WSB1: variants seen among roughly 807,000 people sequenced by gnomAD.
WSB1 encodes the protein WD repeat and SOCS box containing 1, also known as WD repeat and SOCS box-containing protein 1.
Under a neutral mutation model 50.2 loss-of-function variants are expected in WSB1, and 23 were observed. The ratio of observed to expected loss-of-function variants is 0.46; its 90% confidence interval spans 0.33 to 0.65. The LOEUF (loss-of-function observed/expected upper bound fraction) is 0.65. Ranked by LOEUF, WSB1 falls within the 30% of genes least tolerant of loss-of-function variation. The probability of loss-of-function intolerance (pLI) is 0.02; values close to 1 mark genes in which losing one functional copy is unlikely to be tolerated. For synonymous variants in WSB1, 179 were observed against 172.0 expected (o/e 1.04, Z -0.32); for missense variants, 492 against 522.3 (o/e 0.94, Z 0.56).
chr17:27,314,766 A>G lies in WSB1; in HGVS notation c.*2397A>G, dbSNP rs1468535649. On this transcript the variant is annotated 3_prime_UTR_variant, in exon 9 of 9. Coordinates refer to ENST00000262394, the MANE Select transcript of WSB1 (RefSeq NM_015626.10). Reference sequence around the variant, plus strand: ...CTGCAGCCTCCACCTCCTGGGTTCAAGCAATTCTCCTGCCTCAGCCTCCCA... The same window carrying G: ...CTGCAGCCTCCACCTCCTGGGTTCAGGCAATTCTCCTGCCTCAGCCTCCCA... The G allele has an allele frequency of 6.6e-6, 1 of 151,706 alleles. No homozygotes were observed. The highest frequency in any genetic ancestry group is 1.5e-5 in the Non-Finnish European group (1 of 68,028). The allele number at this position is 151,706 out of a possible 1,614,324, so 9.4% of individuals were successfully genotyped here.
chr17:27,296,157 G>A (rs1740931795), intron 1 of WSB1, among the ~76,000 whole-genome samples: 1 of 151,968 alleles, frequency 6.6e-6, no homozygotes, highest in Admixed American at 6.6e-5. Flanking sequence ...TCTAAGAGAT[G>A]GATAGAGATG....
chr17:27,304,616 G>A (rs576985613), intron 3 of WSB1, among the ~76,000 whole-genome samples, 164 bp from the exon 4 acceptor site: 1 of 151,494 alleles, frequency 6.6e-6, no homozygotes, highest in East Asian at 1.9e-4. Flanking sequence ...GGAGGCTGAG[G>A]TAGGGGGATT....
chr17:27,294,340 C>A lies in WSB1; in HGVS notation c.-56C>A. ...GTCACGCCCCTCAGCGGTCGCCACT[C>A]TCTTCTCTGTTGTTGGGTCCGCATC... On this transcript the variant is annotated 5_prime_UTR_variant, in exon 1 of 9. Transcript: ENST00000262394. 6.2e-7 allele frequency: 1 copy of A among 1,601,002 alleles called. No homozygotes were observed. The highest frequency in any genetic ancestry group is 1.1e-5 in the South Asian group (1 of 90,168).
intron 7 of WSB1, 132 bp downstream of exon 7, chr17:27,310,306 T>A: frequency 2.7e-6 from 2 of 728,054 alleles, no homozygotes; most frequent in Non-Finnish European, 4.5e-6. Context: ...TGTTGTGTCT[T>A]AAAGAATATC....
intron 7 of WSB1, among the ~76,000 whole-genome samples, chr17:27,311,238 G>A (rs959739991): frequency 3.9e-5 from 6 of 152,166 alleles, no homozygotes; most frequent in Admixed American, 2.6e-4. Flanking sequence ...GAAAGTTTCC[G>A]GGTGTGAACA....
At chr17:27,307,689 C>G in intron 5 of WSB1, 1 of 1,505,032 alleles carries the variant, frequency 6.6e-7, no homozygotes, top group Non-Finnish European at 8.9e-7. Context: ...TAGATGTTGA[C>G]ATTGCTATTT....
At chr17:27,311,458 C>A (rs549878218) in intron 7 of WSB1, 51 bp from the exon 8 acceptor site, 2 of 1,499,428 alleles carry the variant, frequency 1.3e-6, no homozygotes, top group African/African-American at 1.4e-5. Flanking sequence ...AAAAAAGTTG[C>A]TTTTACCTTA....
chr17:27,310,446 G>A (rs572715645), intron 7 of WSB1, among the ~76,000 whole-genome samples: 1 of 152,280 alleles, frequency 6.6e-6, no homozygotes, highest in Non-Finnish European at 1.5e-5. Flanking sequence ...ATTTTTTAAA[G>A]TAATGTCTTA....
At chr17:27,295,620 G>A (rs7221912) in intron 1 of WSB1, among the ~76,000 whole-genome samples, 72,088 of 151,914 alleles carry the variant, frequency 0.47, 17,748 homozygotes, top group African/African-American at 0.62. Flanking sequence ...AAAGAACACA[G>A]AATTTGTGTC....
Position 27,298,574 on chromosome 17 carries a change from C to T in WSB1, c.41-3214C>T, listed in dbSNP as rs1006349505. Among the ~76,000 whole-genome samples, 7 of 151,780 alleles carry T rather than the reference C, an allele frequency of 4.6e-5. No individual in the cohort carries two copies. The South Asian group carries it at 6.3e-4, about 14-fold the overall frequency. ...TGTCTATAAAAAATTGTTTTTTTGC[C>T]GGGTGCGGTGGCTCACACCTCTAAT... is the stretch of plus-strand genomic sequence containing the variant. On this transcript the variant is annotated intron_variant, in intron 1 of 8. Coordinates refer to ENST00000262394, the MANE Select transcript of WSB1 (RefSeq NM_015626.10).
rs772172687 is a variant in WSB1, at chr17:27,313,634, G to A, written c.*1265G>A. The A allele has an allele frequency of 1.6e-4, 25 of 151,642 alleles. No homozygotes were observed. Among genetic ancestry groups the A allele is most frequent in the African/African-American group, 5.1e-4 (21 of 41,294 alleles). 9.4% of individuals were successfully genotyped at this position (151,642 alleles called of 1,614,324 possible). ...TAAAGACTTGTAAAAAAAAAAAACA[G>A]TATATTGCAAATGTTTCTTAAATAG... On this transcript the variant is annotated 3_prime_UTR_variant, in exon 9 of 9. Coordinates refer to ENST00000262394, the MANE Select transcript of WSB1 (RefSeq NM_015626.10).
rs1370502322 is a variant in WSB1 at position 27,306,839 on chromosome 17, C to T, written c.668C>T (p.Ser223Phe). The part of the protein sequence containing the change: ...HQNWVYSCAF[S>F]PDSSMLCSVG... ...AATTGGGTGTACAGCTGTGCATTCTCTCCTGACTCTTCTATGCTGTGTTCA... is the reference window on the plus strand; with the variant it reads ...AATTGGGTGTACAGCTGTGCATTCTTTCCTGACTCTTCTATGCTGTGTTCA... The change falls in exon 5 of 9, where the codon TCT (serine) becomes TTT (phenylalanine). Residue 223 changes from serine to phenylalanine, a missense_variant. Ser to Phe is a radical substitution (Grantham distance 155). Coordinates refer to ENST00000262394, the MANE Select transcript of WSB1 (RefSeq NM_015626.10). 1 of 1,614,158 alleles carries T rather than the reference C, an allele frequency of 6.2e-7. No individual in the cohort carries two copies. Among genetic ancestry groups the T allele is most frequent in the Non-Finnish European group, 8.5e-7 (1 of 1,180,034 alleles).
Position 27,309,113 on chromosome 17 carries a change from A to T in WSB1, c.725A>T (p.Asn242Ile), listed in dbSNP as rs1348031056. The T allele has an allele frequency of 2.5e-6, 4 of 1,601,216 alleles. No individual in the cohort carries two copies. The highest frequency in any genetic ancestry group is 3.4e-6 in the Non-Finnish European group (4 of 1,172,754). The change falls in exon 6 of 9, where the codon AAT becomes ATT. Residue 242 changes from asparagine (N) to isoleucine (I), a missense_variant. By Grantham distance (149) the Asn-to-Ile change is moderately radical. Coordinates refer to ENST00000262394, the MANE Select transcript of WSB1 (RefSeq NM_015626.10). ...TTTTTATTGCAGGTTTTCCTTTGGA[A>T]TATGGATAAATACACCATGATACGG... ...VGASKAVFLW[N>I]MDKYTMIRKL...
rs757933504 is a variant in WSB1, at chr17:27,311,594, G to A, written c.1084G>A (p.Asp362Asn). Residue 362 changes from aspartate to asparagine, a missense_variant, in exon 8 of 9, where the codon GAT (aspartate) becomes AAT (asparagine). Coordinates refer to ENST00000262394, the MANE Select transcript of WSB1 (RefSeq NM_015626.10). ...TGGTCTTTGCTGTGCCTTCTCTACTGATGGCAGTGTTTTAGCTGCTGGGTA... is the reference window on the plus strand; with the variant it reads ...TGGTCTTTGCTGTGCCTTCTCTACTAATGGCAGTGTTTTAGCTGCTGGGTA... Reference protein sequence around the residue: ...SNGLCCAFSTDGSVLAAGTHD... With the variant: ...SNGLCCAFSTNGSVLAAGTHD... The A allele has an allele frequency of 4.6e-6, 7 of 1,509,594 alleles. No homozygotes were observed. The East Asian group carries it at 1.6e-4, about 35-fold the overall frequency. The allele number at this position is 1,509,594 out of a possible 1,614,324, so 93.5% of individuals were successfully genotyped here.
intron 6 of WSB1, among the ~76,000 whole-genome samples, chr17:27,309,498 A>G (rs890606577): frequency 3.9e-5 from 6 of 152,214 alleles, no homozygotes; most frequent in Non-Finnish European, 5.9e-5. Context: ...CCAGCTCTCT[A>G]TAGAAGTACT....
intron 5 of WSB1, chr17:27,308,488 T>G (rs1424925793): frequency 1.0e-4 from 101 of 985,304 alleles, no homozygotes; most frequent in Non-Finnish European, 1.2e-4. Flanking sequence ...TTGTATTATT[T>G]TCATAAAATA....
At chr17:27,306,952 T>C (rs753438721) in intron 5 of WSB1, 70 bp downstream of exon 5, 3 of 1,452,662 alleles carry the variant, frequency 2.1e-6, no homozygotes. Flanking sequence ...TCATTTTAAA[T>C]CTAAGTAACC....
Position 27,304,889 on chromosome 17 carries a change from A to G in WSB1, c.588A>G (p.Arg196=), listed in dbSNP as rs764482028. 1 of 1,614,034 alleles carries G rather than the reference A, an allele frequency of 6.2e-7. No homozygotes were observed. The highest frequency in any genetic ancestry group is 1.1e-5 in the South Asian group (1 of 91,086). ...CAGCTTCAAGAGACAAAACTCTCAG[A>G]GTATGGGACCTGAAAGATGATGGTA... ...LVSASRDKTL[R]VWDLKDDGNM... Residue 196 remains arginine (R), a synonymous_variant, in exon 4 of 9, where the codon AGA becomes AGG. Coordinates refer to ENST00000262394, the MANE Select transcript of WSB1 (RefSeq NM_015626.10).
In WSB1 at chr17:27,313,998, G is replaced by A. The variant is rs1032002532; in HGVS notation, c.*1629G>A. 1 of 152,104 alleles carries A rather than the reference G, an allele frequency of 6.6e-6. No homozygotes were observed. The highest frequency in any genetic ancestry group is 2.4e-5 in the African/African-American group (1 of 41,418). 9.4% of individuals were successfully genotyped at this position (152,104 alleles called of 1,614,324 possible). A position where few individuals can be genotyped will look rare whatever the true frequency, so the allele number is the denominator to read the frequency against. On this transcript the variant is annotated 3_prime_UTR_variant, in exon 9 of 9. Transcript: ENST00000262394. ...TCTAGCAGTCTGGGTCCTTTGAGAA[G>A]GCATTAAAAAAGCAAAACTCTTATG...
Sources: allele counts gnomAD v4.1 joint callset (sites outside exome capture counted in the v4.1 genomes callset), GRCh38; gene constraint gnomAD v4.1.1; transcripts MANE v1.5; gene names NCBI Gene and HGNC (gene_info 2026-07-23, HGNC 2026-07-21).